ELAPOR2: variants seen among roughly 807,000 people sequenced by gnomAD.
The protein encoded by ELAPOR2 is endosome-lysosome associated apoptosis and autophagy regulator family member 2.
In ELAPOR2, 89 loss-of-function variants were observed where a neutral mutation model predicts 120.7. The ratio of observed to expected loss-of-function variants is 0.74; its 90% CI spans 0.62 to 0.88. ELAPOR2 has a LOEUF of 0.88. Ranked by LOEUF, ELAPOR2 falls within the 40% of genes least tolerant of loss-of-function variation. ELAPOR2 has a pLI of 0.00. For synonymous variants in ELAPOR2, 444 were observed against 444.9 expected, an observed-to-expected ratio of 1.00 and a Z score of 0.03; for missense variants, 1,134 against 1,251.6, an observed-to-expected ratio of 0.91 and a Z score of 1.42.
intron 1 of ELAPOR2, among the ~76,000 whole-genome samples, chr7:86,965,454 ACT>A (rs1021673222): frequency 7.9e-5 from 12 of 152,188 alleles, no homozygotes; most frequent in African/African-American, 2.4e-4. Flanking sequence ...CCTAATTCTC[ACT>A]CTGTTTAAAA....
intron 15 of ELAPOR2, 122 bp from the exon 16 acceptor site, chr7:86,910,123 G>A (rs970062115): frequency 1.4e-6 from 1 of 731,106 alleles, no homozygotes; most frequent in Non-Finnish European, 2.2e-6. Flanking sequence ...TTCTGATTTA[G>A]TTGATCTGGT....
chr7:86,992,860 T>C (rs1038052613), intron 1 of ELAPOR2, among the ~76,000 whole-genome samples: 4 of 152,136 alleles, frequency 2.6e-5, no homozygotes, highest in Non-Finnish European at 5.9e-5. Flanking sequence ...GATTTGAAAA[T>C]AGTTAAGGAA....
intron 19 of ELAPOR2, 89 bp downstream of exon 19, chr7:86,897,416 TG>T: frequency 6.9e-7 from 1 of 1,444,274 alleles, no homozygotes; most frequent in Non-Finnish European, 9.4e-7. Flanking sequence ...TACAAGCTTT[TG>T]CCATACTTCT....
chr7:87,013,275 A>T (rs1389037788), intron 1 of ELAPOR2, among the ~76,000 whole-genome samples: 1 of 152,160 alleles, frequency 6.6e-6, no homozygotes, highest in African/African-American at 2.4e-5. Context: ...TAGCACTATA[A>T]ATCATCTCAT....
intron 18 of ELAPOR2, among the ~76,000 whole-genome samples, chr7:86,905,205 A>AGAGAGG: frequency 6.6e-6 from 1 of 151,056 alleles, no homozygotes; most frequent in South Asian, 2.1e-4. Context: ...AGAGAGAGAG[A>AGAGAGG]AAGAGAGAGA....
In ELAPOR2 at chr7:86,992,257, A is replaced by G. The variant is rs552551040; in HGVS notation, c.190-27233T>C. ...CAACCCCCAACCTGGGCAAAACCCT[A>G]TCTCTATGAAAAAAGTTTAAAAATT... On this transcript the variant is annotated intron_variant, in intron 1 of 21. Transcript: ENST00000450689. 2.0e-5 allele frequency among the ~76,000 whole-genome samples: 3 copies of G among 152,244 alleles called. No individual in the cohort carries two copies. The South Asian group carries it at 6.2e-4, about 32-fold the overall frequency.
chr7:86,890,482 A>G (rs1476282625), intron 21 of ELAPOR2, among the ~76,000 whole-genome samples: 1 of 152,048 alleles, frequency 6.6e-6, no homozygotes, highest in Non-Finnish European at 1.5e-5. Context: ...CTGTAATGCA[A>G]CCAAGTGATA....
In ELAPOR2 at chr7:86,961,680, G is replaced by A. The variant is rs1012617775; in HGVS notation, c.310+3224C>T. On this transcript the variant is annotated intron_variant, in intron 2 of 21. Coordinates refer to ENST00000450689, the MANE Select transcript of ELAPOR2 (RefSeq NM_001142749.3). Reference sequence around the variant, plus strand: ...GCCATTGTTCTTCAAGAATAAATGAGGAGAATGACCCAACAGTGAAGAAGA... The same window carrying A: ...GCCATTGTTCTTCAAGAATAAATGAAGAGAATGACCCAACAGTGAAGAAGA... Among the ~76,000 whole-genome samples, 7 of 152,242 alleles carry A rather than the reference G, an allele frequency of 4.6e-5. No homozygotes were observed. In the East Asian group the frequency reaches 7.7e-4, roughly 17 times the overall value.
chr7:87,042,352 T>C (rs1794814431), intron 1 of ELAPOR2, among the ~76,000 whole-genome samples: 1 of 149,858 alleles, frequency 6.7e-6, no homozygotes, highest in South Asian at 2.1e-4. Context: ...ATTGACCACA[T>C]ACTTGGAAGT....
intron 3 of ELAPOR2, among the ~76,000 whole-genome samples, chr7:86,946,514 G>A (rs367942559): frequency 7.8e-4 from 118 of 152,226 alleles, no homozygotes; most frequent in African/African-American, 2.7e-3. Context: ...AGCCTCCAGA[G>A]TACCTGGGAT....
intron 18 of ELAPOR2, among the ~76,000 whole-genome samples, chr7:86,898,617 A>G (rs904378585): frequency 2.6e-5 from 4 of 152,036 alleles, no homozygotes; most frequent in South Asian, 2.1e-4. Context: ...ATGATACCTA[A>G]GCTGAGTCTA....
Position 86,891,841 on chromosome 7 carries a change from C to G in ELAPOR2, c.2913G>C (p.Glu971Asp). The G allele has an allele frequency of 1.2e-6, 2 of 1,611,582 alleles. No individual in the cohort carries two copies. Among genetic ancestry groups the G allele is most frequent in the Non-Finnish European group, 1.7e-6 (2 of 1,178,534 alleles). Residue 971 changes from glutamate (E) to aspartate (D), a missense_variant, in exon 21 of 22, where the codon GAG becomes GAC. Transcript: ENST00000450689. Reference protein sequence around the residue: ...SKLVMTTNSKECELPAADSCA... With the variant: ...SKLVMTTNSKDCELPAADSCA... ...AACTGTCTGCAGCCGGGAGTTCACA[C>G]TCTTTTGAGTTAGTCGTCATTACTA...
At chr7:86,942,324 A>G (rs1434964621) in intron 4 of ELAPOR2, among the ~76,000 whole-genome samples, 2 of 152,022 alleles carry the variant, frequency 1.3e-5, no homozygotes, top group Non-Finnish European at 2.9e-5. Context: ...TGTAACAAAA[A>G]GCCTAGCTCA....
chr7:86,995,411 T>A (rs995817065), intron 1 of ELAPOR2, among the ~76,000 whole-genome samples: 2 of 152,224 alleles, frequency 1.3e-5, no homozygotes, highest in Non-Finnish European at 2.9e-5. Context: ...GTTAGCCGAA[T>A]TCTAGTTTAG....
intron 1 of ELAPOR2, among the ~76,000 whole-genome samples, chr7:86,972,610 T>G (rs1054997995): frequency 3.3e-5 from 5 of 151,758 alleles, no homozygotes; most frequent in East Asian, 3.9e-4. Context: ...TTTGTTTTTT[T>G]TTTTTTAAAT....
chr7:86,959,528 T>C (rs1391528405), intron 2 of ELAPOR2, among the ~76,000 whole-genome samples: 1 of 152,220 alleles, frequency 6.6e-6, no homozygotes, highest in Non-Finnish European at 1.5e-5. Flanking sequence ...GTTTGTATCA[T>C]AAAAGAGTAT....
chr7:86,931,301 G>T (rs1790313385), intron 8 of ELAPOR2, among the ~76,000 whole-genome samples: 1 of 151,788 alleles, frequency 6.6e-6, no homozygotes, highest in African/African-American at 2.4e-5. Context: ...AGCTGCTTGT[G>T]GTATTAACAC....
intron 21 of ELAPOR2, among the ~76,000 whole-genome samples, chr7:86,887,455 A>G (rs1438186365): frequency 6.6e-6 from 1 of 152,110 alleles, no homozygotes; most frequent in Non-Finnish European, 1.5e-5. Flanking sequence ...GCTACTGGTG[A>G]TGCCTCACCA....
intron 1 of ELAPOR2, among the ~76,000 whole-genome samples, chr7:87,058,471 T>TG (rs140726242): frequency 0.016 from 2,502 of 152,254 alleles, 72 homozygotes; most frequent in African/African-American, 0.056. Flanking sequence ...ATGCACTTTC[T>TG]GAACACTAAA....
Sources: allele counts gnomAD v4.1 joint callset (sites outside exome capture counted in the v4.1 genomes callset), GRCh38; gene constraint gnomAD v4.1.1; transcripts MANE v1.5; gene names NCBI Gene and HGNC (gene_info 2026-07-23, HGNC 2026-07-21).